Variants in DCDC2 observed in about 807,000 individuals in gnomAD.
DCDC2 encodes the protein doublecortin domain containing 2.
In DCDC2, 40 loss-of-function variants were observed where a neutral mutation model predicts 50.2. The observed-to-expected ratio is 0.80, with a 90% CI of 0.62 to 1.04. The LOEUF is 1.04. DCDC2 is among the 50% of genes least tolerant of loss of function. The probability of loss-of-function intolerance (pLI) is 0.00; values close to 1 mark genes in which losing one functional copy is unlikely to be tolerated. For missense variants in DCDC2, 570 were observed against 581.9 expected (o/e 0.98, Z 0.21); for synonymous variants, 234 against 210.6 (o/e 1.11, Z -0.96).
chr6:24,350,870 T>A (rs1345224606), intron 2 of DCDC2, among the ~76,000 whole-genome samples: 1 of 152,180 alleles, frequency 6.6e-6, no homozygotes, highest in Non-Finnish European at 1.5e-5. Context: ...TTTTTAAAGA[T>A]CTATAATTTT....
chr6:24,314,611 A>G (rs188187354), intron 2 of DCDC2, among the ~76,000 whole-genome samples: 7 of 152,344 alleles, frequency 4.6e-5, no homozygotes, highest in South Asian at 2.1e-4. Flanking sequence ...ATGAACATCA[A>G]TGGAATCCGA....
At chr6:24,228,284 G>A (rs1005296321) in intron 7 of DCDC2, among the ~76,000 whole-genome samples, 4 of 152,190 alleles carry the variant, frequency 2.6e-5, no homozygotes, top group Admixed American at 2.6e-4. Context: ...CACCCAGCTT[G>A]CAGAAATTTA....
intron 6 of DCDC2, among the ~76,000 whole-genome samples, chr6:24,283,045 C>A (rs2113823579): frequency 6.6e-6 from 1 of 152,068 alleles, no homozygotes; most frequent in East Asian, 1.9e-4. Context: ...ATGTATAAGC[C>A]AAATGGTAAT....
the DCDC2 span, among the ~76,000 whole-genome samples, chr6:24,363,846 G>T: frequency 2.1e-3 from 319 of 152,224 alleles, 2 homozygotes; most frequent in African/African-American, 7.2e-3. Flanking sequence ...CATCCTGAAA[G>T]GTCGCTGAAA....
At chr6:24,372,001 A>G in the DCDC2 span, among the ~76,000 whole-genome samples, 2 of 152,190 alleles carry the variant, frequency 1.3e-5, no homozygotes, top group African/African-American at 4.8e-5. Context: ...AGAAATAGGA[A>G]CACTTTTACA....
chr6:24,374,876 G>A, the DCDC2 span, among the ~76,000 whole-genome samples: 29 of 152,284 alleles, frequency 1.9e-4, no homozygotes, highest in Middle Eastern at 3.4e-3. Context: ...TCGGGAGAAC[G>A]CTGAAAGCCA....
intron 8 of DCDC2, among the ~76,000 whole-genome samples, chr6:24,190,769 G>A (rs1179112774): frequency 2.0e-5 from 3 of 152,180 alleles, no homozygotes; most frequent in Non-Finnish European, 4.4e-5. Flanking sequence ...CATGAGCAAT[G>A]TTTGTTAATG....
chr6:24,321,740 G>A (rs1421160225), intron 2 of DCDC2, among the ~76,000 whole-genome samples: 1 of 152,132 alleles, frequency 6.6e-6, no homozygotes, highest in African/African-American at 2.4e-5. Flanking sequence ...AGTCTCTGTG[G>A]GAGGATAGGA....
rs1040593896 is a variant in DCDC2, at chr6:24,172,585, A to G, written c.*2145T>C. 3.9e-5 allele frequency: 6 copies of G among 152,304 alleles called. No homozygotes were observed. The highest frequency in any genetic ancestry group is 3.9e-4 in the Admixed American group (6 of 15,306). 9.4% of individuals were successfully genotyped at this position (152,304 alleles called of 1,614,324 possible). On this transcript the variant is annotated 3_prime_UTR_variant, in exon 10 of 10. Transcript: ENST00000378454. ...AGAGAAACTCTCCATTGAAGAAACA[A>G]AAGAGAATCACCTTGATAATTAGTT... is the stretch of plus-strand genomic sequence containing the variant.
chr6:24,315,670 A>C (rs537751900), intron 2 of DCDC2, among the ~76,000 whole-genome samples: 9 of 152,318 alleles, frequency 5.9e-5, no homozygotes, highest in African/African-American at 2.2e-4. Context: ...TTGGGAGCAG[A>C]AAGGAGGCTG....
intron 7 of DCDC2, among the ~76,000 whole-genome samples, chr6:24,207,177 TG>T (rs1761731368): frequency 6.6e-6 from 1 of 152,116 alleles, no homozygotes; most frequent in Non-Finnish European, 1.5e-5. Context: ...AAAATAAATA[TG>T]TTTAATCTCA....
chr6:24,330,989 A>G (rs1402904274), intron 2 of DCDC2, among the ~76,000 whole-genome samples: 2 of 152,226 alleles, frequency 1.3e-5, no homozygotes, highest in African/African-American at 4.8e-5. Flanking sequence ...AAATAAAAAG[A>G]AGGCAAAAAA....
intron 8 of DCDC2, among the ~76,000 whole-genome samples, chr6:24,183,596 T>C (rs1055919176): frequency 8.5e-5 from 13 of 152,132 alleles, no homozygotes; most frequent in Non-Finnish European, 1.9e-4. Flanking sequence ...ACAAGTTTCC[T>C]TCCATGGACT....
At chr6:24,248,904 C>T (rs1481544649) in intron 7 of DCDC2, among the ~76,000 whole-genome samples, 1 of 152,104 alleles carries the variant, frequency 6.6e-6, no homozygotes, top group Non-Finnish European at 1.5e-5. Context: ...TAACCTAATG[C>T]CCTTATTCCT....
chr6:24,284,784 C>T (rs1342651616), intron 6 of DCDC2, among the ~76,000 whole-genome samples: 2 of 152,116 alleles, frequency 1.3e-5, no homozygotes, highest in East Asian at 3.9e-4. Flanking sequence ...TCCTCACATG[C>T]CAGGCTCTTT....
intron 6 of DCDC2, among the ~76,000 whole-genome samples, chr6:24,282,355 G>A (rs937230515): frequency 6.6e-6 from 1 of 151,900 alleles, no homozygotes; most frequent in Non-Finnish European, 1.5e-5. Context: ...TGATTCTCTT[G>A]CCTCAGCCTC....
At chr6:24,379,494 C>A in the DCDC2 span, among the ~76,000 whole-genome samples, 1 of 152,152 alleles carries the variant, frequency 6.6e-6, no homozygotes, top group African/African-American at 2.4e-5. Flanking sequence ...CAGTGAGATA[C>A]CATCTCATGC....
rs1308814341 is a variant in DCDC2 at position 24,291,578 on chromosome 6, C to T, written c.558-500G>A. Among the ~76,000 whole-genome samples the T allele has an allele frequency of 5.6e-5, 8 of 143,878 alleles. No homozygotes were observed. The East Asian group carries it at 1.5e-3, about 27-fold the overall frequency. The allele number at this position is 143,878 out of a possible 152,430, so 94.4% of individuals were successfully genotyped here. On this transcript the variant is annotated intron_variant, in intron 4 of 9. Transcript: ENST00000378454. The stretch of plus-strand genomic sequence containing the variant: ...TCGGCTCACTGCAAGCTCCGCCTCC[C>T]GGGTTCATGCCATTCTCCTGCCTCA...
intron 7 of DCDC2, among the ~76,000 whole-genome samples, chr6:24,227,978 A>T (rs1432872538): frequency 6.6e-6 from 1 of 152,232 alleles, no homozygotes; most frequent in Non-Finnish European, 1.5e-5. Context: ...CTATCTTAAA[A>T]GCCTGCCACC....
Sources: allele counts gnomAD v4.1 joint callset (sites outside exome capture counted in the v4.1 genomes callset), GRCh38; gene constraint gnomAD v4.1.1; transcripts MANE v1.5; gene names NCBI Gene and HGNC (gene_info 2026-07-23, HGNC 2026-07-21).